Variants in CREB3L1 observed in about 807,000 individuals in gnomAD.
The protein encoded by CREB3L1 is cyclic AMP-responsive element-binding protein 3-like protein 1.
A neutral mutation model predicts 54.5 loss-of-function variants in CREB3L1; 33 were observed. The observed-to-expected ratio is 0.61, with a 90% CI of 0.46 to 0.81. The LOEUF is 0.81. CREB3L1 is among the 30% of genes least tolerant of loss of function. The probability of loss-of-function intolerance (pLI) is 0.00; values close to 1 mark genes in which losing one functional copy is unlikely to be tolerated. For missense variants in CREB3L1, 656 were observed against 673.3 expected, an observed-to-expected ratio of 0.97 and a Z score of 0.29; for synonymous variants, 284 against 286.4, an observed-to-expected ratio of 0.99 and a Z score of 0.08.
intron 4 of CREB3L1, 23 bp downstream of exon 4, chr11:46,310,090 C>CT: frequency 6.6e-7 from 1 of 1,510,948 alleles, no homozygotes; most frequent in East Asian, 2.4e-5. Flanking sequence ...AGGGGAAGGG[C>CT]TCTTTTCCCC....
rs1389504672 is a variant in CREB3L1 at position 46,320,804 on chromosome 11, G to C, written c.*58G>C. 1.9e-6 allele frequency: 3 copies of C among 1,576,480 alleles called. No homozygotes were observed. In the South Asian group the frequency reaches 3.4e-5, roughly 18 times the overall value. ...CCTGGTACCCAGAAGAGGAGTTCTT[G>C]CTCACTAACCCGGATCCGCCTCGTG... On this transcript the variant is annotated 3_prime_UTR_variant, in exon 12 of 12. Transcript: ENST00000621158.
chr11:46,294,135 G>A (rs776667980), intron 1 of CREB3L1, among the ~76,000 whole-genome samples: 18 of 152,158 alleles, frequency 1.2e-4, no homozygotes, highest in African/African-American at 2.2e-4. Context: ...ACATGCATGC[G>A]TGCACACACA....
At position 46,312,462 on chromosome 11, in the gene CREB3L1, A is replaced by G. The variant is rs775699967; in HGVS notation, c.891A>G (p.Lys297=). The change falls in exon 6 of 12, where the codon AAA becomes AAG. Residue 297 remains lysine, a synonymous_variant. Transcript: ENST00000621158. ...AGGCCTTGAAGAGAGTCCGGAGGAA[A>G]ATCAAGAACAAGGTAAAGCCTGCCA... is the stretch of plus-strand genomic sequence containing the variant. ...EEKALKRVRR[K]IKNKISAQES... 6.2e-7 allele frequency: 1 copy of G among 1,613,512 alleles called. No homozygotes were observed. Among genetic ancestry groups the G allele is most frequent in the Admixed American group, 1.7e-5 (1 of 59,908 alleles).
rs1210837908 is a variant in CREB3L1, at chr11:46,309,973, C to T, written c.517-16C>T. 1.9e-6 allele frequency: 3 copies of T among 1,588,008 alleles called. No individual in the cohort carries two copies. Among genetic ancestry groups the T allele is most frequent in the African/African-American group, 1.3e-5 (1 of 74,334 alleles). ...CCCAGGGGCAGCTAATGGAGCTGGG[C>T]TTGTCTGTTCCTCAGGCCCCGGGAG... On this transcript the variant is annotated splice_polypyrimidine_tract_variant and intron_variant, in intron 3 of 11. Coordinates refer to ENST00000621158, the MANE Select transcript of CREB3L1 (RefSeq NM_052854.4).
rs1229202346 is a variant in CREB3L1 at position 46,320,792 on chromosome 11, AGAG to A, written c.*50_*52del. ...ATAGGACGGACCCCTGGTACCCAGAAGAGGAGTTCTTGCTCACTAACCCGGATC... is the reference window on the plus strand; with the variant it reads ...ATAGGACGGACCCCTGGTACCCAGAAGAGTTCTTGCTCACTAACCCGGATC... On this transcript the variant is annotated 3_prime_UTR_variant, in exon 12 of 12. Transcript: ENST00000621158. The A allele has an allele frequency of 1.3e-6, 2 of 1,597,386 alleles. No individual in the cohort carries two copies.
chr11:46,293,962 T>C (rs1338638738), intron 1 of CREB3L1, among the ~76,000 whole-genome samples: 1 of 152,210 alleles, frequency 6.6e-6, no homozygotes, highest in African/African-American at 2.4e-5. Context: ...TCAGCCTATG[T>C]GACTCTGTGA....
At chr11:46,314,135 G>A (rs1049487547) in intron 8 of CREB3L1, among the ~76,000 whole-genome samples, 1 of 151,910 alleles carries the variant, frequency 6.6e-6, no homozygotes, top group Non-Finnish European at 1.5e-5. Flanking sequence ...CTACTCAGGA[G>A]GTTGAGGGAA....
Position 46,317,399 on chromosome 11 carries a change from C to T in CREB3L1, c.1170C>T (p.Leu390=), listed in dbSNP as rs765466173. 19 of 1,613,810 alleles carry T rather than the reference C, an allele frequency of 1.2e-5. No homozygotes were observed. In the African/African-American group the frequency reaches 1.9e-4, roughly 16 times the overall value. Reference sequence around the variant, plus strand: ...GCTTTGTTCTGGTGCTGGGCTCCCTCGTGCCCTGCCTTCCCGAGTTCTCCT... The same window carrying T: ...GCTTTGTTCTGGTGCTGGGCTCCCTTGTGCCCTGCCTTCCCGAGTTCTCCT... The part of the protein sequence containing the change: ...ALCFVLVLGS[L]VPCLPEFSSG... The change falls in exon 10 of 12, where the codon CTC becomes CTT. Residue 390 remains leucine (L), a synonymous_variant. Coordinates refer to ENST00000621158, the MANE Select transcript of CREB3L1 (RefSeq NM_052854.4).
chr11:46,292,569 G>T (rs1435394568), intron 1 of CREB3L1, among the ~76,000 whole-genome samples: 1 of 152,196 alleles, frequency 6.6e-6, no homozygotes, highest in Non-Finnish European at 1.5e-5. Context: ...ATTCACTGAT[G>T]ATGAGTACAA....
At chr11:46,309,164 G>A (rs1211245215) in intron 3 of CREB3L1, among the ~76,000 whole-genome samples, 1 of 152,158 alleles carries the variant, frequency 6.6e-6, no homozygotes, top group African/African-American at 2.4e-5. Flanking sequence ...CTGGGATGTA[G>A]ACCAAGGAAT....
At chr11:46,311,319 G>A (rs1939482213) in intron 5 of CREB3L1, 130 bp downstream of exon 5, 1 of 1,223,152 alleles carries the variant, frequency 8.2e-7, no homozygotes, top group Non-Finnish European at 1.1e-6. Flanking sequence ...TCAGAGGGAT[G>A]CTTACCTGGC....
At chr11:46,311,536 G>A (rs1367199447) in intron 5 of CREB3L1, among the ~76,000 whole-genome samples, 6 of 149,616 alleles carry the variant, frequency 4.0e-5, no homozygotes, top group African/African-American at 7.4e-5. Context: ...ATGGAGTCTC[G>A]CTCTGTCGCC....
At position 46,311,173 on chromosome 11, in the gene CREB3L1, T is replaced by G; in HGVS notation, c.737T>G (p.Leu246Arg). ...TCCACGGCCATCTCCACCTCCCCAC[T>G]CCTCACTGCCCCTCACGTAAGGAGC... is the stretch of plus-strand genomic sequence containing the variant. The part of the protein sequence containing the change: ...RSSTAISTSP[L>R]LTAPHKLQGT... The change falls in exon 5 of 12, where the codon CTC becomes CGC. Residue 246 changes from leucine (L) to arginine (R), a missense_variant. Coordinates refer to ENST00000621158, the MANE Select transcript of CREB3L1 (RefSeq NM_052854.4). 6.3e-7 allele frequency: 1 copy of G among 1,591,920 alleles called. No individual in the cohort carries two copies. Among genetic ancestry groups the G allele is most frequent in the Non-Finnish European group, 8.5e-7 (1 of 1,173,278 alleles).
intron 1 of CREB3L1, among the ~76,000 whole-genome samples, chr11:46,279,027 A>G (rs1938927715): frequency 6.6e-6 from 1 of 151,936 alleles, no homozygotes. Flanking sequence ...TAAGGCCTTG[A>G]TGGGGGAGGG....
intron 8 of CREB3L1, 63 bp downstream of exon 8, chr11:46,312,982 G>A: frequency 1.6e-6 from 2 of 1,257,412 alleles, no homozygotes; most frequent in Non-Finnish European, 2.2e-6. Flanking sequence ...GCCTGGCTCT[G>A]CATAGCTCTG....
At chr11:46,297,056 A>G (rs1462176165) in intron 1 of CREB3L1, among the ~76,000 whole-genome samples, 1 of 151,998 alleles carries the variant, frequency 6.6e-6, no homozygotes, top group African/African-American at 2.4e-5. Context: ...TGCTGGAGAA[A>G]TACCTTAGCG....
At chr11:46,315,244 C>T in intron 8 of CREB3L1, 1 of 232,596 alleles carries the variant, frequency 4.3e-6, no homozygotes, top group Non-Finnish European at 8.8e-6. Flanking sequence ...CCCCACCCCA[C>T]CCCTCTGTCT....
intron 2 of CREB3L1, among the ~76,000 whole-genome samples, chr11:46,306,197 G>C (rs983169207): frequency 2.6e-5 from 4 of 152,118 alleles, no homozygotes; most frequent in African/African-American, 9.7e-5. Context: ...GTGAGCTACC[G>C]CACCCAGCCA....
At chr11:46,294,682 C>T (rs1939178163) in intron 1 of CREB3L1, among the ~76,000 whole-genome samples, 1 of 152,048 alleles carries the variant, frequency 6.6e-6, no homozygotes, top group South Asian at 2.1e-4. Context: ...GGTCTGCTGA[C>T]AACCGGGGAC....
Sources: gnomAD v4.1 joint callset for allele counts (sites outside exome capture counted in the v4.1 genomes callset) on GRCh38, gnomAD v4.1.1 for gene constraint, MANE v1.5 for transcripts, NCBI Gene and HGNC (gene_info 2026-07-23, HGNC 2026-07-21) for gene names.